Variants in UBR2 observed in about 807,000 individuals in gnomAD.
The protein encoded by UBR2 is ubiquitin protein ligase E3 component n-recognin 2, also known as E3 ubiquitin-protein ligase UBR2.
UBR2 carries 92 observed loss-of-function variants against 247.9 expected under a neutral mutation model. The observed-to-expected ratio is 0.37, with a 90% CI of 0.31 to 0.44. UBR2 has a LOEUF of 0.44. Among genes scored for constraint, UBR2 ranks in the 20% least tolerant of loss-of-function variants. The pLI is 1.00. For synonymous variants in UBR2, 672 were observed against 693.5 expected, an observed-to-expected ratio of 0.97 and a Z score of 0.49; for missense variants, 1,613 against 2,112.6, an observed-to-expected ratio of 0.76 and a Z score of 4.64.
In UBR2 at chr6:42,691,014, T is replaced by C. The variant is rs373341; in HGVS notation, c.5127-18T>C. 0.51 allele frequency: 819,184 copies of C among 1,612,290 alleles called. 209,968 individuals carry two copies. Among genetic ancestry groups the C allele is most frequent in the South Asian group, 0.52 (47,204 of 90,954 alleles). On this transcript the variant is annotated intron_variant, in intron 46 of 46. Coordinates refer to ENST00000372901, the MANE Select transcript of UBR2 (RefSeq NM_001363705.2). ...TAAACAGAACACATTCTGAGTGACATGTGTCTTCTCTTTCTAGACGGGGAA... is the reference window on the plus strand; with the variant it reads ...TAAACAGAACACATTCTGAGTGACACGTGTCTTCTCTTTCTAGACGGGGAA...
rs759558120 is a variant in UBR2, at chr6:42,689,720, G to A, written c.5126+50G>A. 31 of 1,526,536 alleles carry A rather than the reference G, an allele frequency of 2.0e-5. No individual in the cohort carries two copies. The highest frequency in any genetic ancestry group is 6.7e-5 in the South Asian group (6 of 89,314). 94.6% of individuals were successfully genotyped at this position (1,526,536 alleles called of 1,614,324 possible). ...AACTCAGGGCCTGCAGCGCCCTTCC[G>A]TATGTGGTGACGTCCTGAGGGTGGA... On this transcript the variant is annotated intron_variant, in intron 46 of 46. Coordinates refer to ENST00000372901, the MANE Select transcript of UBR2 (RefSeq NM_001363705.2). The surrounding 1 kb of genome is among the most constrained non-coding windows in gnomAD (Gnocchi z 4.0).
chr6:42,618,681 C>T (rs73440663), intron 11 of UBR2, among the ~76,000 whole-genome samples: 3,559 of 152,070 alleles, frequency 0.023, 127 homozygotes, highest in African/African-American at 0.081. Flanking sequence ...ACAAATTGGA[C>T]GAGGATAAAA....
chr6:42,605,315 A>G (rs1021312496), intron 5 of UBR2, among the ~76,000 whole-genome samples: 13 of 152,160 alleles, frequency 8.5e-5, no homozygotes, highest in African/African-American at 3.1e-4. Flanking sequence ...AGATGCCAGC[A>G]GCACCCAAAG....
At chr6:42,650,216 C>A in intron 22 of UBR2, 68 bp from the exon 23 acceptor site, 2 of 1,293,044 alleles carry the variant, frequency 1.5e-6, no homozygotes, top group Non-Finnish European at 2.2e-6. Flanking sequence ...GTTCTAATAT[C>A]CAAGACTATC....
chr6:42,577,479 T>A (rs1791599910), intron 2 of UBR2, among the ~76,000 whole-genome samples: 1 of 152,198 alleles, frequency 6.6e-6, no homozygotes, highest in South Asian at 2.1e-4. Flanking sequence ...GTGTACTCTA[T>A]TAGGAAAAGA....
chr6:42,681,064 G>C (rs1272608438), intron 42 of UBR2, among the ~76,000 whole-genome samples: 4 of 151,694 alleles, frequency 2.6e-5, no homozygotes, highest in Non-Finnish European at 5.9e-5. Context: ...TCGGGAGGCT[G>C]AGGCAGGAGA....
At chr6:42,600,511 T>G (rs1793290108) in intron 4 of UBR2, among the ~76,000 whole-genome samples, 1 of 151,702 alleles carries the variant, frequency 6.6e-6, no homozygotes, top group Non-Finnish European at 1.5e-5. Flanking sequence ...GTAGCATCTT[T>G]TCAATGCAGA....
chr6:42,586,879 T>G (rs1425962894), intron 2 of UBR2, among the ~76,000 whole-genome samples: 1 of 146,014 alleles, frequency 6.8e-6, no homozygotes, highest in Non-Finnish European at 1.5e-5. Context: ...TGGAGTGCAG[T>G]GGCGCAATCT....
chr6:42,572,249 C>A (rs1265955058), intron 1 of UBR2, among the ~76,000 whole-genome samples: 2 of 152,050 alleles, frequency 1.3e-5, no homozygotes, highest in Non-Finnish European at 2.9e-5. Context: ...TATCCAGTCC[C>A]TTAACTTATG....
rs1015585214 is a variant in UBR2, at chr6:42,637,055, G to T, written c.1719G>T (p.Leu573=). The T allele has an allele frequency of 6.2e-7, 1 of 1,613,964 alleles. No individual in the cohort carries two copies. The highest frequency in any genetic ancestry group is 1.7e-5 in the Admixed American group (1 of 59,998). ...CTTACAAGAAATGTCTCGCTGTACT[G>T]ATGCAGTGTCATGGTGGTTATACTG... ...IEAYKKCLAV[L]MQCHGGYTDG... is the part of the protein sequence containing the mutation. Residue 573 remains leucine (L), a synonymous_variant, in exon 15 of 47, where the codon CTG becomes CTT. Transcript: ENST00000372901.
intron 44 of UBR2, among the ~76,000 whole-genome samples, chr6:42,685,489 G>A (rs901086023): frequency 2.8e-5 from 4 of 145,382 alleles, no homozygotes; most frequent in Non-Finnish European, 4.5e-5. Flanking sequence ...TTTTTGAGAC[G>A]AGTCTCGCTC....
chr6:42,597,920 C>CA (rs138540169), intron 4 of UBR2, among the ~76,000 whole-genome samples: 11,278 of 138,846 alleles, frequency 0.081, 499 homozygotes, highest in South Asian at 0.14. Context: ...TCTCAAAAAC[C>CA]AAAAAAAAAA....
chr6:42,650,173 C>A, intron 22 of UBR2, 111 bp from the exon 23 acceptor site: 1 of 808,494 alleles, frequency 1.2e-6, no homozygotes, highest in Non-Finnish European at 2.0e-6. Context: ...TAGCTTAACA[C>A]CCACCAGCAG....
Position 42,648,133 on chromosome 6 carries a change from G to T in UBR2, c.2425G>T (p.Gly809Cys). The T allele has an allele frequency of 6.2e-7, 1 of 1,613,972 alleles. No homozygotes were observed. The highest frequency in any genetic ancestry group is 8.5e-7 in the Non-Finnish European group (1 of 1,179,874). ...GTACCTTTAGGAGAACAAGGAGACT[G>T]GCATGGAGAGTGTAATCGAAGCAGT... Reference protein sequence around the residue: ...SLPEDENKETGMESVIEAVAH... With the variant: ...SLPEDENKETCMESVIEAVAH... Residue 809 changes from glycine (G) to cysteine (C), a missense_variant, in exon 22 of 47, where the codon GGC (glycine) becomes TGC (cysteine). Transcript: ENST00000372901.
intron 7 of UBR2, among the ~76,000 whole-genome samples, chr6:42,607,427 CAA>C (rs1285579258): frequency 6.6e-6 from 1 of 152,068 alleles, no homozygotes; most frequent in Non-Finnish European, 1.5e-5. Flanking sequence ...CTCAGACTCC[CAA>C]AGTGTTGGGA....
At chr6:42,681,179 A>AG (rs1799029229) in intron 42 of UBR2, among the ~76,000 whole-genome samples, 3 of 151,002 alleles carry the variant, frequency 2.0e-5, no homozygotes, top group Admixed American at 1.3e-4. Flanking sequence ...AAAAAAAAAA[A>AG]AAAGAAAGAC....
At chr6:42,603,782 A>C in intron 5 of UBR2, 64 bp downstream of exon 5, 1 of 1,455,906 alleles carries the variant, frequency 6.9e-7, no homozygotes, top group Middle Eastern at 1.9e-4. Flanking sequence ...TAACACAGCT[A>C]GTATAGGGCA....
chr6:42,690,522 G>T (rs1307866459), intron 46 of UBR2, among the ~76,000 whole-genome samples: 1 of 152,220 alleles, frequency 6.6e-6, no homozygotes, highest in Non-Finnish European at 1.5e-5. Context: ...ATTAGACCTG[G>T]AAGTTACTCA....
Position 42,665,299 on chromosome 6 carries a change from G to T in UBR2, c.3699-110G>T. 4 of 752,204 alleles carry T rather than the reference G, an allele frequency of 5.3e-6. No individual in the cohort carries two copies. Among genetic ancestry groups the T allele is most frequent in the African/African-American group, 1.8e-5 (1 of 55,078 alleles). 46.6% of individuals were successfully genotyped at this position (752,204 alleles called of 1,614,324 possible). ...CAACAAATTTTCCCTTATCCTTTTTGTTTTTAATATTTGGAGTGTGTCTAA... is the reference window on the plus strand; with the variant it reads ...CAACAAATTTTCCCTTATCCTTTTTTTTTTTAATATTTGGAGTGTGTCTAA... On this transcript the variant is annotated intron_variant, in intron 32 of 46. Transcript: ENST00000372901.
Sources: gnomAD v4.1 joint callset for allele counts (sites outside exome capture counted in the v4.1 genomes callset) on GRCh38, gnomAD v4.1.1 for gene constraint, Gnocchi (gnomAD v3.1) non-coding constraint, MANE v1.5 for transcripts, NCBI Gene and HGNC (gene_info 2026-07-23, HGNC 2026-07-21) for gene names.